The following CALN1 variants were observed in gnomAD, a reference collection of about 807,000 sequenced individuals.
The protein encoded by CALN1 is calcium-binding protein 8.
A neutral mutation model predicts 30.6 loss-of-function variants in CALN1; 17 were observed. That is an observed-to-expected ratio of 0.56 (90% CI 0.38 to 0.83). CALN1 has a LOEUF of 0.83. Among genes scored for constraint, CALN1 ranks in the 40% least tolerant of loss-of-function variants. CALN1 has a pLI of 0.00. For synonymous variants in CALN1, 156 were observed against 131.4 expected (o/e 1.19, Z -1.28); for missense variants, 291 against 354.9 (o/e 0.82, Z 1.45).
At chr7:72,348,333 A>AG (rs1296639856) in intron 2 of CALN1, among the ~76,000 whole-genome samples, 1 of 152,062 alleles carries the variant, frequency 6.6e-6, no homozygotes, top group Non-Finnish European at 1.5e-5. Flanking sequence ...TTCTACCTGG[A>AG]GATCGTTTCT....
intron 2 of CALN1, among the ~76,000 whole-genome samples, chr7:72,398,493 C>T (rs1399230769): frequency 6.6e-6 from 1 of 152,170 alleles, no homozygotes; most frequent in East Asian, 1.9e-4. Context: ...TCCACTTCTC[C>T]CCACATGAAT....
intron 3 of CALN1, among the ~76,000 whole-genome samples, chr7:72,274,614 C>G (rs1342176128): frequency 6.6e-6 from 1 of 151,928 alleles, no homozygotes; most frequent in Non-Finnish European, 1.5e-5. Flanking sequence ...ATATAATGCA[C>G]TCTAAAAGTA....
chr7:72,286,350 G>C lies in CALN1; in HGVS notation c.120-7540C>G, dbSNP rs1470798420. Among the ~76,000 whole-genome samples, 5 of 152,300 alleles carry C rather than the reference G, an allele frequency of 3.3e-5. No homozygotes were observed. In the East Asian group the frequency reaches 9.6e-4, roughly 29 times the overall value. On this transcript the variant is annotated intron_variant, in intron 2 of 6. Coordinates refer to ENST00000395275, the MANE Select transcript of CALN1 (RefSeq NM_031468.4). The stretch of plus-strand genomic sequence containing the variant: ...TGGATCATAACTCCCAGTATGCAAG[G>C]TGGCTAGGAATGGAAGGTCTGAGAC...
chr7:71,857,014 GTA>G (rs1253542465), intron 5 of CALN1, among the ~76,000 whole-genome samples: 26 of 106,676 alleles, frequency 2.4e-4, no homozygotes, highest in South Asian at 1.0e-3. Flanking sequence ...GTGTGTATAT[GTA>G]TGTGTGTGTG....
At chr7:72,359,121 C>T (rs555879697) in intron 2 of CALN1, among the ~76,000 whole-genome samples, 1 of 152,220 alleles carries the variant, frequency 6.6e-6, no homozygotes, top group South Asian at 2.1e-4. Context: ...TATTCCTCCC[C>T]ATTTTCTAGG....
At chr7:71,876,624 G>C (rs372054730) in intron 5 of CALN1, among the ~76,000 whole-genome samples, 10 of 152,082 alleles carry the variant, frequency 6.6e-5, no homozygotes, top group Admixed American at 3.9e-4. Context: ...ACTTGGTAAG[G>C]GGGGGAGAAT....
intron 2 of CALN1, among the ~76,000 whole-genome samples, chr7:72,297,639 T>C (rs1349917847): frequency 6.6e-6 from 1 of 152,222 alleles, no homozygotes; most frequent in Non-Finnish European, 1.5e-5. Context: ...AGATTTGGTT[T>C]TGGGTTGAGT....
At chr7:72,024,627 G>C (rs776585486) in intron 4 of CALN1, among the ~76,000 whole-genome samples, 23 of 152,112 alleles carry the variant, frequency 1.5e-4, no homozygotes, top group Non-Finnish European at 2.9e-4. Context: ...TCAAACTCCT[G>C]ACCTCAAGTG....
intron 3 of CALN1, among the ~76,000 whole-genome samples, chr7:72,273,503 T>A (rs1290533930): frequency 2.8e-5 from 3 of 106,092 alleles, no homozygotes; most frequent in Non-Finnish European, 5.0e-5. Context: ...GCAAGATTCT[T>A]TTTTTTTTTT....
At chr7:71,861,960 C>G (rs1210650719) in intron 5 of CALN1, among the ~76,000 whole-genome samples, 1 of 152,120 alleles carries the variant, frequency 6.6e-6, no homozygotes, top group Admixed American at 6.5e-5. Context: ...CCAAGACAGG[C>G]AGAAGCAGGG....
At chr7:72,375,568 GA>G (rs34885674) in intron 2 of CALN1, among the ~76,000 whole-genome samples, 33 of 136,438 alleles carry the variant, frequency 2.4e-4, no homozygotes, top group South Asian at 4.7e-4. Flanking sequence ...CTGCCTCCAG[GA>G]AAAAAAAAAA....
intron 5 of CALN1, among the ~76,000 whole-genome samples, chr7:71,875,918 C>T (rs1792217164): frequency 6.6e-6 from 1 of 152,138 alleles, no homozygotes; most frequent in African/African-American, 2.4e-5. Context: ...TGGTCAGTAG[C>T]AAAGTGTCCC....
intron 5 of CALN1, among the ~76,000 whole-genome samples, chr7:71,903,428 G>C (rs1793968628): frequency 6.6e-6 from 1 of 152,032 alleles, no homozygotes. Flanking sequence ...TTTTTGACAA[G>C]GGTGCCAAGA....
At chr7:72,301,186 A>G (rs948612054) in intron 2 of CALN1, among the ~76,000 whole-genome samples, 2 of 152,168 alleles carry the variant, frequency 1.3e-5, no homozygotes, top group African/African-American at 4.8e-5. Flanking sequence ...CTGAGAGCAC[A>G]CAGAGTATAG....
intron 6 of CALN1, among the ~76,000 whole-genome samples, chr7:71,802,569 C>T (rs1291909009): frequency 6.6e-6 from 1 of 152,156 alleles, no homozygotes; most frequent in Non-Finnish European, 1.5e-5. Context: ...CTCAAGTGAT[C>T]CCTCCACCTC....
intron 3 of CALN1, among the ~76,000 whole-genome samples, chr7:72,162,009 A>T (rs988445291): frequency 6.6e-6 from 1 of 150,500 alleles, no homozygotes; most frequent in African/African-American, 2.4e-5. Context: ...TTATATATAT[A>T]TTATATATAT....
intron 2 of CALN1, among the ~76,000 whole-genome samples, chr7:72,346,867 A>G (rs1241742589): frequency 6.6e-6 from 1 of 152,194 alleles, no homozygotes; most frequent in African/African-American, 2.4e-5. Context: ...GAACCCATCA[A>G]AAAATAAAGA....
chr7:72,164,145 G>A (rs1415885309), intron 3 of CALN1, among the ~76,000 whole-genome samples: 1 of 151,980 alleles, frequency 6.6e-6, no homozygotes, highest in African/African-American at 2.4e-5. Context: ...AGGTGGGCAG[G>A]CCATCTGAGG....
At chr7:71,831,144 T>C (rs892950351) in intron 5 of CALN1, among the ~76,000 whole-genome samples, 1 of 152,160 alleles carries the variant, frequency 6.6e-6, no homozygotes, top group Non-Finnish European at 1.5e-5. Flanking sequence ...ATTTAATGAC[T>C]TGGAATCTGT....
Sources: gnomAD v4.1 joint callset for allele counts (sites outside exome capture counted in the v4.1 genomes callset) on GRCh38, gnomAD v4.1.1 for gene constraint, MANE v1.5 for transcripts, NCBI Gene and HGNC (gene_info 2026-07-23, HGNC 2026-07-21) for gene names.